The following SBNO2 variants were observed in gnomAD, a reference collection of about 807,000 sequenced individuals.
The protein encoded by SBNO2 is strawberry notch homolog 2.
SBNO2 carries 89 observed loss-of-function variants against 146.3 expected under a neutral mutation model. The observed-to-expected ratio is 0.61, with a 90% CI of 0.51 to 0.73. The LOEUF (loss-of-function observed/expected upper bound fraction) is 0.73. SBNO2 is among the 30% of genes least tolerant of loss of function. The probability of loss-of-function intolerance (pLI) is 0.00; values close to 1 mark genes in which losing one functional copy is unlikely to be tolerated. For synonymous variants in SBNO2, 1,147 were observed against 892.6 expected (o/e 1.29, Z -5.08); for missense variants, 2,092 against 2,003.7 (o/e 1.04, Z -0.84).
intron 1 of SBNO2, among the ~76,000 whole-genome samples, chr19:1,162,661 C>A (rs911483197): frequency 3.9e-5 from 6 of 152,162 alleles, no homozygotes; most frequent in Non-Finnish European, 7.3e-5. Context: ...TGGAGCCCAA[C>A]CTCCAGACCA....
At chr19:1,170,329 G>A (rs948394413) in intron 1 of SBNO2, among the ~76,000 whole-genome samples, 12 of 152,208 alleles carry the variant, frequency 7.9e-5, no homozygotes, top group East Asian at 1.9e-4. Flanking sequence ...AGGTGACCAC[G>A]GGGCTGGCAG....
chr19:1,132,098 G>A (rs1250801640), intron 4 of SBNO2: 7 of 1,542,940 alleles, frequency 4.5e-6, no homozygotes, highest in Non-Finnish European at 6.1e-6. Context: ...ACCTTGTTCA[G>A]AGCCTCAAAC....
chr19:1,154,372 G>A lies in SBNO2; in HGVS notation c.-96C>T, dbSNP rs1025110158. On this transcript the variant is annotated 5_prime_UTR_variant, in exon 2 of 32. It adds an upstream start codon to the 5' untranslated region. Transcript: ENST00000361757. ...GGCGTCTATCTGGGCTTCTCGCTCC[G>A]TGGTGGCGGCGGTGGCGGCAGCATC... 4.4e-5 allele frequency: 26 copies of A among 586,246 alleles called. No individual in the cohort carries two copies. The highest frequency in any genetic ancestry group is 3.3e-4 in the African/African-American group (17 of 51,728). 36.3% of individuals were successfully genotyped at this position (586,246 alleles called of 1,614,324 possible).
chr19:1,149,549 C>T (rs1157595466), intron 2 of SBNO2, 107 bp from the exon 3 acceptor site: 6 of 1,016,792 alleles, frequency 5.9e-6, no homozygotes, highest in Non-Finnish European at 8.9e-6. Context: ...GGAGGCCCCG[C>T]AGTCAGGGTC....
intron 1 of SBNO2, among the ~76,000 whole-genome samples, chr19:1,163,246 T>A (rs547979667): frequency 6.6e-6 from 1 of 152,224 alleles, no homozygotes; most frequent in Non-Finnish European, 1.5e-5. Context: ...CTCATGTCCT[T>A]AAGAGAAAAG....
intron 11 of SBNO2, 194 bp from the exon 12 acceptor site, chr19:1,120,217 A>G (rs2079884306): frequency 1.7e-6 from 1 of 590,750 alleles, no homozygotes; most frequent in Non-Finnish European, 3.0e-6. Flanking sequence ...CCCCCACACG[A>G]CCATTAGATG....
In SBNO2 at chr19:1,108,234, G is replaced by C. The variant is rs764619413; in HGVS notation, c.4087C>G (p.Gln1363Glu). The C allele has an allele frequency of 6.5e-7, 1 of 1,527,316 alleles. No individual in the cohort carries two copies. The highest frequency in any genetic ancestry group is 8.8e-7 in the Non-Finnish European group (1 of 1,135,320). The allele number at this position is 1,527,316 out of a possible 1,614,324, so 94.6% of individuals were successfully genotyped here. The change falls in exon 32 of 32, where the codon CAG becomes GAG. Residue 1363 changes from glutamine to glutamate, a missense_variant. Coordinates refer to ENST00000361757, the MANE Select transcript of SBNO2 (RefSeq NM_014963.3). Reference sequence around the variant, plus strand: ...CTAAAGGCGTGTCAGAGAGGAGCCTGGGCGCCGGGGAAGGGTGGGCTGAAC... The same window carrying C: ...CTAAAGGCGTGTCAGAGAGGAGCCTCGGCGCCGGGGAAGGGTGGGCTGAAC... The part of the protein sequence containing the change: ...IQFSPPFPGA[Q>E]APL
chr19:1,124,281 C>A (rs2079940013), intron 5 of SBNO2, among the ~76,000 whole-genome samples: 1 of 152,216 alleles, frequency 6.6e-6, no homozygotes, highest in South Asian at 2.1e-4. Context: ...TCACTGATGG[C>A]CAGTGTGCCT....
intron 4 of SBNO2, among the ~76,000 whole-genome samples, chr19:1,135,411 A>G (rs956900617): frequency 2.6e-5 from 4 of 152,224 alleles, no homozygotes; most frequent in African/African-American, 9.6e-5. Flanking sequence ...TCAGTTTTTA[A>G]AAGACCTGGA....
intron 5 of SBNO2, among the ~76,000 whole-genome samples, chr19:1,127,244 T>C (rs1465630826): frequency 6.6e-6 from 1 of 152,148 alleles, no homozygotes; most frequent in East Asian, 1.9e-4. Flanking sequence ...CTTCCTGTGC[T>C]TCTCTAGACC....
chr19:1,143,676 C>T (rs983787835), intron 4 of SBNO2, among the ~76,000 whole-genome samples: 2 of 152,118 alleles, frequency 1.3e-5, no homozygotes, highest in East Asian at 1.9e-4. Context: ...ACGGCCAGAG[C>T]GCAGGCTCTT....
rs370383476 is a variant in SBNO2, at chr19:1,112,945, G to C, written c.2252C>G (p.Thr751Ser). 83 of 1,561,634 alleles carry C rather than the reference G, an allele frequency of 5.3e-5. No homozygotes were observed. The highest frequency in any genetic ancestry group is 6.7e-5 in the Non-Finnish European group (77 of 1,154,650). The stretch of plus-strand genomic sequence containing the variant: ...GGACACCACGCGGCCTTTCCTGCCG[G>C]TCATCTGCAGCCGAGACAGGGACAA... ...LGGPQRVAEM[T>S]GRKGRVVSRP... Residue 751 changes from threonine (T) to serine (S), a missense_variant, in exon 20 of 32, where the codon ACC (threonine) becomes AGC (serine). By Grantham distance (58) the Thr-to-Ser change is moderately conservative. Transcript: ENST00000361757. The surrounding 1 kb of genome is among the most constrained non-coding windows in gnomAD (Gnocchi z 5.9).
In SBNO2 at chr19:1,110,466, C is replaced by T. The variant is rs1238904606; in HGVS notation, c.3028+279G>A. 6.6e-6 allele frequency among the ~76,000 whole-genome samples: 1 copy of T among 152,134 alleles called. No homozygotes were observed. The highest frequency in any genetic ancestry group is 2.4e-5 in the African/African-American group (1 of 41,406). On this transcript the variant is annotated intron_variant, in intron 26 of 31. Transcript: ENST00000361757. This position sits in a 1 kb window ranked among gnomAD's most constrained non-coding sequence, Gnocchi z 4.9. ...CAGTCTCACCCAGTACCCTCGCTCA[C>T]CCAGGATGCATGGCGCTTCCACGAG...
At chr19:1,133,509 G>A (rs1192444924) in intron 4 of SBNO2, among the ~76,000 whole-genome samples, 1 of 152,206 alleles carries the variant, frequency 6.6e-6, no homozygotes, top group Admixed American at 6.5e-5. Flanking sequence ...CTGGGGCCCC[G>A]CGACCAGGCA....
intron 11 of SBNO2, 103 bp from the exon 12 acceptor site, chr19:1,120,126 G>C (rs954458878): frequency 2.2e-6 from 2 of 890,668 alleles, no homozygotes; most frequent in Non-Finnish European, 3.5e-6. Flanking sequence ...GGGGGCAAAC[G>C]CCTGTGCGGC....
Position 1,147,563 on chromosome 19 carries a change from G to A in SBNO2, c.168-143C>T, listed in dbSNP as rs541449701. On this transcript the variant is annotated intron_variant, in intron 3 of 31. Coordinates refer to ENST00000361757, the MANE Select transcript of SBNO2 (RefSeq NM_014963.3). ...CCAGCCCGGCAGGACCCATGGCCCC[G>A]CTGCACATACAGAGGGGCCTCCAGG... 2.2e-3 allele frequency: 1,152 copies of A among 529,722 alleles called. 2 individuals carry two copies. Among genetic ancestry groups the A allele is most frequent in the Non-Finnish European group, 3.2e-3 (991 of 307,566 alleles). The allele number at this position is 529,722 out of a possible 1,614,324, so 32.8% of individuals were successfully genotyped here. A position where few individuals can be genotyped will look rare whatever the true frequency, so the allele number is the denominator to read the frequency against.
chr19:1,158,900 C>T lies in SBNO2; in HGVS notation c.-126-4498G>A, dbSNP rs866871215. ...AGCTGTGACCGCCGCCCCACAGCCG[C>T]GACCCCACCTGCAGCCGTGACCCCA... On this transcript the variant is annotated intron_variant, in intron 1 of 31. Coordinates refer to ENST00000361757, the MANE Select transcript of SBNO2 (RefSeq NM_014963.3). This position sits in a 1 kb window ranked among gnomAD's most constrained non-coding sequence, Gnocchi z 9.9. Among the ~76,000 whole-genome samples, 7 of 150,044 alleles carry T rather than the reference C, an allele frequency of 4.7e-5. No individual in the cohort carries two copies. Among genetic ancestry groups the T allele is most frequent in the Non-Finnish European group, 8.9e-5 (6 of 67,536 alleles).
At chr19:1,113,899 A>C (rs2079798970) in intron 18 of SBNO2, among the ~76,000 whole-genome samples, 195 bp from the exon 19 acceptor site, 1 of 152,172 alleles carries the variant, frequency 6.6e-6, no homozygotes, top group Non-Finnish European at 1.5e-5. Flanking sequence ...AGCTGGGGCG[A>C]GACTAAGCCT....
At chr19:1,147,465 C>T (rs937415877) in intron 3 of SBNO2, 45 bp from the exon 4 acceptor site, 5 of 1,099,762 alleles carry the variant, frequency 4.5e-6, no homozygotes, top group Non-Finnish European at 5.1e-6. Context: ...GGTGCTCAAC[C>T]CACTCCCTCA....
Sources: allele counts gnomAD v4.1 joint callset (sites outside exome capture counted in the v4.1 genomes callset), GRCh38; gene constraint gnomAD v4.1.1; non-coding constraint Gnocchi (gnomAD v3.1); transcripts MANE v1.5; gene names NCBI Gene and HGNC (gene_info 2026-07-23, HGNC 2026-07-21).